The following FGF13 variants were observed in gnomAD, a reference collection of about 807,000 sequenced individuals.
FGF13 encodes fibroblast growth factor homologous factor 2.
Under a neutral mutation model 19.5 loss-of-function variants are expected in FGF13, and 2 were observed. That is an observed-to-expected ratio of 0.10 (90% CI 0.04 to 0.32). FGF13 has a LOEUF of 0.32. FGF13 is among the 10% of genes least tolerant of loss of function. FGF13 has a pLI of 1.00. For missense variants in FGF13, 113 were observed against 192.7 expected (o/e 0.59, Z 2.45); for synonymous variants, 72 against 76.9 (o/e 0.94, Z 0.33).
chrX:139,173,706 T>C (rs1467485564), intron 1 of FGF13, among the ~76,000 whole-genome samples: 2 of 111,332 alleles, frequency 1.8e-5, no homozygotes, highest in African/African-American at 6.5e-5. Flanking sequence ...TCCAGCTTCA[T>C]TCATATCCCT....
intron 3 of FGF13, among the ~76,000 whole-genome samples, chrX:138,830,009 G>A (rs1488689235): frequency 1.8e-5 from 2 of 112,609 alleles, no homozygotes; most frequent in Admixed American, 9.4e-5. Flanking sequence ...GTGAGCCATC[G>A]CGCCTGGCTT....
intron 1 of FGF13, among the ~76,000 whole-genome samples, chrX:138,976,204 G>A (rs918238080): frequency 9.0e-6 from 1 of 111,057 alleles, no homozygotes; most frequent in African/African-American, 3.3e-5. Context: ...TAATAAATAC[G>A]TTTACGCTGG....
chrX:138,910,261 G>A (rs1489965281), intron 1 of FGF13, among the ~76,000 whole-genome samples: 2 of 111,051 alleles, frequency 1.8e-5, no homozygotes, highest in Non-Finnish European at 3.8e-5. Flanking sequence ...TCATGATCAG[G>A]TTGGTCATTT....
chrX:139,089,276 T>C (rs964685608), intron 1 of FGF13, among the ~76,000 whole-genome samples: 3 of 112,063 alleles, frequency 2.7e-5, no homozygotes, highest in Admixed American at 1.9e-4. Flanking sequence ...AGACTCTAAT[T>C]TATTTCAAAA....
intron 1 of FGF13, among the ~76,000 whole-genome samples, chrX:139,111,802 G>A (rs1047856943): frequency 8.9e-6 from 1 of 111,842 alleles, no homozygotes; most frequent in African/African-American, 3.2e-5. Context: ...TGAGCACAAC[G>A]AATACCTAAT....
chrX:138,824,092 G>A (rs1322250238), intron 3 of FGF13, among the ~76,000 whole-genome samples: 1 of 112,183 alleles, frequency 8.9e-6, no homozygotes. Context: ...GGTAATTGAA[G>A]GGGCAGGAAG....
intron 1 of FGF13, among the ~76,000 whole-genome samples, chrX:139,063,101 C>A (rs948418980): frequency 3.6e-5 from 4 of 111,723 alleles, no homozygotes; most frequent in African/African-American, 1.3e-4. Flanking sequence ...AAGGAGGTAA[C>A]AAATCTTGCA....
Position 138,911,881 on chromosome X carries a change from T to C in FGF13, c.-112-47231A>G, listed in dbSNP as rs2091589874. ...TGTCTCAGAAGATACTCAGGAATAATTCCTTGACTTAAATGCATATGGAAA... is the reference window on the plus strand; with the variant it reads ...TGTCTCAGAAGATACTCAGGAATAACTCCTTGACTTAAATGCATATGGAAA... On this transcript the variant is annotated intron_variant, in intron 1 of 2. Transcript: ENST00000421460. 2.7e-5 allele frequency among the ~76,000 whole-genome samples: 3 copies of C among 112,027 alleles called. No individual in the cohort carries two copies. In the South Asian group the frequency reaches 1.1e-3, roughly 43 times the overall value.
intron 1 of FGF13, among the ~76,000 whole-genome samples, chrX:138,947,461 G>A (rs193302088): frequency 9.1e-6 from 1 of 109,960 alleles, no homozygotes; most frequent in Non-Finnish European, 1.9e-5. Flanking sequence ...GAAAATGGGG[G>A]TGTAAATATT....
intron 1 of FGF13, among the ~76,000 whole-genome samples, chrX:139,177,450 T>C (rs2084197546): frequency 9.0e-6 from 1 of 111,151 alleles, no homozygotes; most frequent in Admixed American, 9.6e-5. Context: ...ATGTGTGAAT[T>C]TGATCCTGTC....
At position 139,037,502 on chromosome X, in the gene FGF13, C is replaced by T. The variant is rs765697085; in HGVS notation, c.-113+165914G>A. The stretch of plus-strand genomic sequence containing the variant: ...CTTGCAGTTCTGGAGGTCAGAATTC[C>T]AAAACAGGTCTCTGGGCTACAATCA... On this transcript the variant is annotated intron_variant, in intron 1 of 2. Transcript: ENST00000421460. Among the ~76,000 whole-genome samples, 9 of 111,133 alleles carry T rather than the reference C, an allele frequency of 8.1e-5. No homozygotes were observed. In the East Asian group the frequency reaches 2.6e-3, roughly 32 times the overall value.
upstream of FGF13, chrX:138,714,029 G>C (rs1278913755): frequency 9.0e-6 from 1 of 111,108 alleles, no homozygotes; most frequent in Non-Finnish European, 1.9e-5. Context: ...AGAGTATGGG[G>C]GAGGGGGAAC....
At chrX:138,772,765 T>C (rs1175120334) in intron 3 of FGF13, among the ~76,000 whole-genome samples, 1 of 111,261 alleles carries the variant, frequency 9.0e-6, no homozygotes, top group Non-Finnish European at 1.9e-5. Context: ...ACCTATTTAA[T>C]AGGCCATTAG....
intron 3 of FGF13, among the ~76,000 whole-genome samples, chrX:138,670,743 G>C (rs1016460755): frequency 4.5e-5 from 5 of 111,372 alleles, no homozygotes; most frequent in Non-Finnish European, 9.4e-5. Flanking sequence ...AGATGAAAAA[G>C]TGCCTACGAA....
At chrX:139,131,379 AGG>A (rs1321086836) in intron 1 of FGF13, among the ~76,000 whole-genome samples, 4 of 66,543 alleles carry the variant, frequency 6.0e-5, no homozygotes, top group Non-Finnish European at 8.0e-5. Context: ...TAGAATATAG[AGG>A]GGTGTGTGTG....
chrX:138,935,798 C>T (rs1305703992), intron 1 of FGF13, among the ~76,000 whole-genome samples: 1 of 111,596 alleles, frequency 9.0e-6, no homozygotes, highest in African/African-American at 3.3e-5. Flanking sequence ...ATTCTGACAA[C>T]CACTGCTTTG....
chrX:139,119,261 C>T (rs1321858559), intron 1 of FGF13, among the ~76,000 whole-genome samples: 2 of 111,923 alleles, frequency 1.8e-5, no homozygotes, highest in African/African-American at 6.5e-5. Flanking sequence ...TTACCTTTCG[C>T]ACTGGGAGCT....
chrX:138,889,932 C>CTTTT (rs1218819253), intron 1 of FGF13, among the ~76,000 whole-genome samples: 19 of 100,254 alleles, frequency 1.9e-4, no homozygotes, highest in African/African-American at 6.6e-4. Context: ...CCCTTTTGAA[C>CTTTT]TTTTTTTTTT....
At chrX:139,074,800 T>G (rs2092387020) in intron 1 of FGF13, among the ~76,000 whole-genome samples, 1 of 112,629 alleles carries the variant, frequency 8.9e-6, no homozygotes, top group Non-Finnish European at 1.9e-5. Context: ...ACATGCTGGC[T>G]TTCATGCAGT....
Sources: allele counts gnomAD v4.1 joint callset (sites outside exome capture counted in the v4.1 genomes callset), GRCh38; gene constraint gnomAD v4.1.1; transcripts MANE v1.5; gene names NCBI Gene and HGNC (gene_info 2026-07-23, HGNC 2026-07-21).